The following CTDSPL2 variants were observed in gnomAD, a reference collection of about 807,000 sequenced individuals.
The protein encoded by CTDSPL2 is CTD small phosphatase like 2.
A neutral mutation model predicts 60.0 loss-of-function variants in CTDSPL2; 5 were observed. The ratio of observed to expected loss-of-function variants is 0.08; its 90% CI spans 0.04 to 0.18. The LOEUF is 0.18. Among genes scored for constraint, CTDSPL2 ranks in the 10% least tolerant of loss-of-function variants. The pLI, the probability that CTDSPL2 is intolerant of heterozygous loss-of-function variation, is 1.00. For synonymous variants in CTDSPL2, 186 were observed against 189.3 expected (o/e 0.98, Z 0.14); for missense variants, 370 against 548.8 (o/e 0.67, Z 3.26).
rs1030489904 is a variant in CTDSPL2 at position 44,479,077 on chromosome 15, C to A, written c.187-5147C>A. Among the ~76,000 whole-genome samples the A allele has an allele frequency of 1.8e-3, 245 of 137,542 alleles. 2 individuals are homozygous for A. Among genetic ancestry groups the A allele is most frequent in the East Asian group, 0.011 (54 of 4,822 alleles). The allele number at this position is 137,542 out of a possible 152,430, so 90.2% of individuals were successfully genotyped here. A position where few individuals can be genotyped will look rare whatever the true frequency, so the allele number is the denominator to read the frequency against. On this transcript the variant is annotated intron_variant, in intron 2 of 12. Coordinates refer to ENST00000260327, the MANE Select transcript of CTDSPL2 (RefSeq NM_016396.3). ...ATTTCTTTAAAAAAAAACAAACAAA[C>A]AAAAAAAAAAAAACAAGTTTTCTCC...
chr15:44,500,537 A>G (rs1041707262), intron 8 of CTDSPL2, among the ~76,000 whole-genome samples: 2 of 152,346 alleles, frequency 1.3e-5, no homozygotes, highest in East Asian at 3.9e-4. Flanking sequence ...CATTATTTGC[A>G]TTATATAATA....
chr15:44,492,382 A>G (rs2081231409), intron 5 of CTDSPL2, among the ~76,000 whole-genome samples: 1 of 152,188 alleles, frequency 6.6e-6, no homozygotes, highest in Non-Finnish European at 1.5e-5. Context: ...TTAAGGAAAT[A>G]TAATATACAG....
At chr15:44,499,283 T>C (rs1318674939) in intron 7 of CTDSPL2, among the ~76,000 whole-genome samples, 1 of 152,098 alleles carries the variant, frequency 6.6e-6, no homozygotes, top group Non-Finnish European at 1.5e-5. Flanking sequence ...CTGGCGCCTG[T>C]AATCCCAGCT....
intron 1 of CTDSPL2, among the ~76,000 whole-genome samples, chr15:44,451,250 A>G (rs1399237348): frequency 6.6e-6 from 1 of 151,962 alleles, no homozygotes; most frequent in African/African-American, 2.4e-5. Context: ...AGAGGTGTGC[A>G]CCACCATGCC....
rs2081081255 is a variant in CTDSPL2, at chr15:44,484,323, C to G, written c.286C>G (p.Gln96Glu). 1 of 1,613,368 alleles carries G rather than the reference C, an allele frequency of 6.2e-7. No individual in the cohort carries two copies. Among genetic ancestry groups the G allele is most frequent in the African/African-American group, 1.3e-5 (1 of 74,820 alleles). ...TPRAGEKPNK[Q>E]ISRVRRKSQV... ...AAGAGCAGGAGAAAAACCTAACAAA[C>G]AGATATCTCGAGTAAGACGGAAAAG... The change falls in exon 3 of 13, where the codon CAG becomes GAG. Residue 96 changes from glutamine to glutamate, a missense_variant. Gln to Glu is a conservative substitution (Grantham distance 29). Around this residue, in one of 6 missense-constraint regions of CTDSPL2, gnomAD observed 287 missense variants for 296.1 expected, o/e 0.97. Coordinates refer to ENST00000260327, the MANE Select transcript of CTDSPL2 (RefSeq NM_016396.3).
chr15:44,515,618 C>A (rs982425301), intron 10 of CTDSPL2, among the ~76,000 whole-genome samples: 1 of 152,132 alleles, frequency 6.6e-6, no homozygotes, highest in Non-Finnish European at 1.5e-5. Flanking sequence ...CGCCTGTAAT[C>A]CCAGCACTTT....
At chr15:44,487,208 C>T (rs577336122) in intron 4 of CTDSPL2, among the ~76,000 whole-genome samples, 1 of 152,246 alleles carries the variant, frequency 6.6e-6, no homozygotes, top group South Asian at 2.1e-4. Flanking sequence ...AATCTGAACT[C>T]TTCGGGAAGC....
chr15:44,497,242 C>A, intron 7 of CTDSPL2, 104 bp downstream of exon 7: 2 of 611,442 alleles, frequency 3.3e-6, no homozygotes, highest in African/African-American at 1.9e-5. Flanking sequence ...ATCATGTTTT[C>A]CTGAAGGACC....
chr15:44,440,290 G>C (rs1473155194), intron 1 of CTDSPL2, among the ~76,000 whole-genome samples: 2 of 151,086 alleles, frequency 1.3e-5, no homozygotes, highest in African/African-American at 4.9e-5. Context: ...CTGCCTCCCA[G>C]GTTTAAGCGA....
chr15:44,443,996 G>C (rs953963771), intron 1 of CTDSPL2, among the ~76,000 whole-genome samples: 1 of 151,854 alleles, frequency 6.6e-6, no homozygotes, highest in Non-Finnish European at 1.5e-5. Flanking sequence ...TTGAACTCCT[G>C]AGTTCAAGGG....
chr15:44,437,051 T>C (rs1340300508), intron 1 of CTDSPL2, among the ~76,000 whole-genome samples: 1 of 152,248 alleles, frequency 6.6e-6, no homozygotes, highest in African/African-American at 2.4e-5. Context: ...ATATTTTTAA[T>C]AGTTTTGTGC....
In CTDSPL2 at chr15:44,490,882, A is replaced by G; in HGVS notation, c.574A>G (p.Thr192Ala). The change falls in exon 5 of 13, where the codon ACT (threonine) becomes GCT (alanine). Residue 192 changes from threonine (T) to alanine (A), a missense_variant. Thr to Ala is a moderately conservative substitution (Grantham distance 58, BLOSUM62 0). Coordinates refer to ENST00000260327, the MANE Select transcript of CTDSPL2 (RefSeq NM_016396.3). ...EQVDEITTST[T>A]TSTNGAAYSN... ...GGTGGATGAGATCACTACCAGTACT[A>G]CTACATCAACTAATGGAGCAGCTTA... 6.2e-7 allele frequency: 1 copy of G among 1,613,906 alleles called. No homozygotes were observed. Among genetic ancestry groups the G allele is most frequent in the Non-Finnish European group, 8.5e-7 (1 of 1,179,832 alleles).
chr15:44,496,933 A>T, intron 6 of CTDSPL2, 94 bp from the exon 7 acceptor site: 1 of 631,598 alleles, frequency 1.6e-6, no homozygotes, highest in South Asian at 2.3e-5. Flanking sequence ...TTCTGGGTTA[A>T]CTGCTTTATA....
intron 12 of CTDSPL2, among the ~76,000 whole-genome samples, chr15:44,522,924 G>A (rs547857085): frequency 2.0e-5 from 3 of 152,258 alleles, no homozygotes; most frequent in African/African-American, 4.8e-5. Context: ...CCTTTTACCT[G>A]TCTTGGTTTG....
chr15:44,475,727 A>G (rs1037883472), intron 2 of CTDSPL2, among the ~76,000 whole-genome samples: 2 of 152,210 alleles, frequency 1.3e-5, no homozygotes, highest in East Asian at 1.9e-4. Flanking sequence ...CTCATTATGT[A>G]TATATTTAAA....
Position 44,427,715 on chromosome 15 carries a change from A to G in CTDSPL2, c.-82A>G, listed in dbSNP as rs949232354. The G allele has an allele frequency of 7.5e-6, 3 of 399,304 alleles. No individual in the cohort carries two copies. Among genetic ancestry groups the G allele is most frequent in the African/African-American group, 6.2e-5 (3 of 48,622 alleles). 24.7% of individuals were successfully genotyped at this position (399,304 alleles called of 1,614,324 possible). ...GGGGTAAGCGGGAAAGACACCACAC[A>G]TTGCGCAGTCGGGACCATCGCCGGA... On this transcript the variant is annotated 5_prime_UTR_variant, in exon 1 of 13. Coordinates refer to ENST00000260327, the MANE Select transcript of CTDSPL2 (RefSeq NM_016396.3).
rs1399317601 is a variant in CTDSPL2, at chr15:44,497,009, T to C, written c.771-18T>C. Reference sequence around the variant, plus strand: ...TAAAAAGTAAAATGTTGAAATTTTCTTAAAATCTGATTTATAGCTATTATT... The same window carrying C: ...TAAAAAGTAAAATGTTGAAATTTTCCTAAAATCTGATTTATAGCTATTATT... On this transcript the variant is annotated intron_variant, in intron 6 of 12. Transcript: ENST00000260327. The C allele has an allele frequency of 6.8e-7, 1 of 1,464,646 alleles. No homozygotes were observed. Among genetic ancestry groups the C allele is most frequent in the East Asian group, 2.3e-5 (1 of 43,970 alleles). 90.7% of individuals were successfully genotyped at this position (1,464,646 alleles called of 1,614,324 possible). A position where few individuals can be genotyped will look rare whatever the true frequency, so the allele number is the denominator to read the frequency against.
At chr15:44,501,853 C>T (rs1209176006) in intron 8 of CTDSPL2, 2 of 357,096 alleles carry the variant, frequency 5.6e-6, no homozygotes, top group Non-Finnish European at 1.1e-5. Flanking sequence ...TTGGCATAGC[C>T]ATTCTGTCTT....
intron 2 of CTDSPL2, among the ~76,000 whole-genome samples, chr15:44,483,836 C>G (rs985191417): frequency 6.6e-6 from 1 of 152,164 alleles, no homozygotes; most frequent in Non-Finnish European, 1.5e-5. Context: ...CCAGCACATT[C>G]AGTGGGGCTC....
Sources: gnomAD v4.1 joint callset for allele counts (sites outside exome capture counted in the v4.1 genomes callset) on GRCh38, gnomAD v4.1.1 for gene constraint, gnomAD v4.1.1 regional missense constraint, MANE v1.5 for transcripts, NCBI Gene and HGNC (gene_info 2026-07-23, HGNC 2026-07-21) for gene names.